The following LRRC37A2 variants were observed in gnomAD, a reference collection of about 807,000 sequenced individuals.
The protein encoded by LRRC37A2 is leucine-rich repeat-containing protein 37A2.
A neutral mutation model predicts 68.8 loss-of-function variants in LRRC37A2; 9 were observed. The ratio of observed to expected loss-of-function variants is 0.13; its 90% CI spans 0.08 to 0.23. LRRC37A2 has a LOEUF of 0.23. Among genes scored for constraint, LRRC37A2 ranks in the 10% least tolerant of loss-of-function variants. The probability of loss-of-function intolerance (pLI) is 1.00; values close to 1 mark genes in which losing one functional copy is unlikely to be tolerated. For missense variants in LRRC37A2, 168 were observed against 950.4 expected (o/e 0.18, Z 10.82); for synonymous variants, 63 against 367.6 (o/e 0.17, Z 9.48).
the LRRC37A2 span, among the ~76,000 whole-genome samples, chr17:46,805,254 G>A: frequency 1.3e-5 from 2 of 151,616 alleles, no homozygotes; most frequent in Non-Finnish European, 2.9e-5. Flanking sequence ...CAAGAGTAAT[G>A]TAGGGAGATG....
At chr17:46,868,336 A>G in the LRRC37A2 span, among the ~76,000 whole-genome samples, 1 of 152,192 alleles carries the variant, frequency 6.6e-6, no homozygotes, top group African/African-American at 2.4e-5. Flanking sequence ...TCATGCCTGT[A>G]ATCCCAGCAC....
chr17:46,945,617 G>A, the LRRC37A2 span, among the ~76,000 whole-genome samples: 3 of 152,138 alleles, frequency 2.0e-5, no homozygotes, highest in African/African-American at 7.2e-5. Context: ...ATGCAGAAGG[G>A]AAGCAGTTCT....
the LRRC37A2 span, among the ~76,000 whole-genome samples, chr17:46,848,404 A>G: frequency 0.2 from 29,868 of 152,170 alleles, 3,604 homozygotes; most frequent in East Asian, 0.5. Flanking sequence ...CCTGTGCCAG[A>G]CTCTGGAGAC....
chr17:46,735,718 G>A, the LRRC37A2 span, among the ~76,000 whole-genome samples: 5 of 152,160 alleles, frequency 3.3e-5, no homozygotes, highest in Admixed American at 6.5e-5. Flanking sequence ...GCTGAGACAG[G>A]TGGATCATTT....
chr17:46,824,694 G>C, the LRRC37A2 span, among the ~76,000 whole-genome samples: 3 of 152,208 alleles, frequency 2.0e-5, no homozygotes, highest in Non-Finnish European at 4.4e-5. Flanking sequence ...GCAGCCCCTC[G>C]AAAACACTGT....
chr17:46,902,391 T>C, the LRRC37A2 span, among the ~76,000 whole-genome samples: 1 of 152,220 alleles, frequency 6.6e-6, no homozygotes, highest in South Asian at 2.1e-4. Flanking sequence ...TGCAATGTGC[T>C]GAAACTTACT....
At chr17:46,809,823 T>C in the LRRC37A2 span, among the ~76,000 whole-genome samples, 2 of 151,892 alleles carry the variant, frequency 1.3e-5, no homozygotes, top group Non-Finnish European at 2.9e-5. Flanking sequence ...TCCCAGGGGC[T>C]CTCCAGTGAG....
chr17:46,954,318 T>A, the LRRC37A2 span, among the ~76,000 whole-genome samples: 5 of 152,342 alleles, frequency 3.3e-5, no homozygotes, highest in East Asian at 5.8e-4. Context: ...CTTGTTTTTG[T>A]CAGGTTTGTC....
chr17:46,854,171 G>A, the LRRC37A2 span, among the ~76,000 whole-genome samples: 1 of 152,110 alleles, frequency 6.6e-6, no homozygotes, highest in Non-Finnish European at 1.5e-5. Context: ...TGGTCTCAGG[G>A]AACAGACAGG....
chr17:46,945,330 G>A, the LRRC37A2 span, among the ~76,000 whole-genome samples: 1 of 152,186 alleles, frequency 6.6e-6, no homozygotes, highest in Non-Finnish European at 1.5e-5. Flanking sequence ...ACTGAGAGCT[G>A]GAGAAGCTGT....
chr17:46,496,931 ATTACTT>A, the LRRC37A2 span, among the ~76,000 whole-genome samples: 1 of 141,224 alleles, frequency 7.1e-6, no homozygotes, highest in Non-Finnish European at 1.6e-5. Flanking sequence ...AAAAAAAAAA[ATTACTT>A]AATATTAATA....
At chr17:46,932,820 C>T in the LRRC37A2 span, 1 of 157,378 alleles carries the variant, frequency 6.4e-6, no homozygotes, top group African/African-American at 2.4e-5. Flanking sequence ...AACATACTGG[C>T]CTTTTCTGTG....
the LRRC37A2 span, among the ~76,000 whole-genome samples, chr17:46,896,682 G>A: frequency 6.6e-6 from 1 of 152,160 alleles, no homozygotes; most frequent in African/African-American, 2.4e-5. Flanking sequence ...TCACTCTCAA[G>A]GCAAAGCGAC....
chr17:46,784,352 G>C, the LRRC37A2 span, among the ~76,000 whole-genome samples: 2 of 152,206 alleles, frequency 1.3e-5, no homozygotes, highest in Non-Finnish European at 2.9e-5. Context: ...GCACCACGTA[G>C]AGACAGAGCT....
chr17:46,965,718 G>C, the LRRC37A2 span, among the ~76,000 whole-genome samples: 4 of 152,182 alleles, frequency 2.6e-5, no homozygotes, highest in African/African-American at 9.6e-5. Context: ...GACCTCCTGG[G>C]CTCAATTGAT....
the LRRC37A2 span, among the ~76,000 whole-genome samples, chr17:46,845,663 G>A: frequency 6.6e-6 from 1 of 150,972 alleles, no homozygotes; most frequent in Non-Finnish European, 1.5e-5. Flanking sequence ...GCTAACTTTT[G>A]TATTTTTAGT....
the LRRC37A2 span, chr17:46,728,846 C>A: frequency 2.9e-5 from 45 of 1,577,866 alleles, 1 homozygote; most frequent in Admixed American, 7.7e-4. Context: ...AATAATGTTT[C>A]TTTTCCAGAT....
At chr17:46,931,025 AT>A in the LRRC37A2 span, 4 of 854,510 alleles carry the variant, frequency 4.7e-6, no homozygotes, top group Non-Finnish European at 8.1e-6. Flanking sequence ...TGAAAAAAAA[AT>A]CTGTGATTTA....
At chr17:46,929,862 C>T in the LRRC37A2 span, 1 of 402,438 alleles carries the variant, frequency 2.5e-6, no homozygotes, top group Non-Finnish European at 4.6e-6. Flanking sequence ...AATCTAATTA[C>T]CTAGTCCTTA....
Sources: allele counts gnomAD v4.1 joint callset (sites outside exome capture counted in the v4.1 genomes callset), GRCh38; gene constraint gnomAD v4.1.1; transcripts MANE v1.5; gene names NCBI Gene and HGNC (gene_info 2026-07-23, HGNC 2026-07-21).